The following TMEM178B variants were observed in gnomAD, a reference collection of about 807,000 sequenced individuals.
TMEM178B encodes transmembrane protein 178B.
A neutral mutation model predicts 31.0 loss-of-function variants in TMEM178B; 5 were observed. The observed-to-expected ratio is 0.16, with a 90% confidence interval of 0.08 to 0.34. The LOEUF is 0.34. TMEM178B is among the 10% of genes least tolerant of loss of function. The pLI is 1.00. For synonymous variants in TMEM178B, 164 were observed against 164.0 expected (o/e 1.00, Z 0.00); for missense variants, 275 against 400.3 (o/e 0.69, Z 2.67).
intron 2 of TMEM178B, among the ~76,000 whole-genome samples, chr7:141,340,833 G>T (rs1563156377): frequency 6.6e-6 from 1 of 152,066 alleles, no homozygotes; most frequent in Non-Finnish European, 1.5e-5. Context: ...TCTCCCTCTC[G>T]GGTGTATACA....
At chr7:141,392,782 AC>A (rs995961842) in intron 2 of TMEM178B, among the ~76,000 whole-genome samples, 9 of 151,832 alleles carry the variant, frequency 5.9e-5, no homozygotes, top group African/African-American at 2.2e-4. Flanking sequence ...GGCTCAGTGG[AC>A]AGCAGCATCT....
chr7:141,174,697 T>G (rs1259582992), intron 1 of TMEM178B, among the ~76,000 whole-genome samples: 3 of 152,244 alleles, frequency 2.0e-5, no homozygotes, highest in Non-Finnish European at 4.4e-5. Context: ...TTGATTTGCA[T>G]TTCTCTGATG....
chr7:141,211,365 G>A (rs1797050367), intron 1 of TMEM178B, among the ~76,000 whole-genome samples: 1 of 152,178 alleles, frequency 6.6e-6, no homozygotes, highest in Non-Finnish European at 1.5e-5. Context: ...TTACAATAAG[G>A]CATCAGTTTC....
intron 1 of TMEM178B, among the ~76,000 whole-genome samples, chr7:141,128,732 C>A (rs545722990): frequency 6.6e-6 from 1 of 152,084 alleles, no homozygotes; most frequent in Non-Finnish European, 1.5e-5. Context: ...CTGATTCCCA[C>A]ATCACTTCTC....
At chr7:141,410,492 C>T (rs1297239062) in intron 2 of TMEM178B, among the ~76,000 whole-genome samples, 1 of 138,852 alleles carries the variant, frequency 7.2e-6, no homozygotes, top group Admixed American at 7.7e-5. Flanking sequence ...TCTTTCTCTC[C>T]TTCCTTCCTT....
intron 2 of TMEM178B, among the ~76,000 whole-genome samples, chr7:141,324,416 GTTTTTTTTTTTTTTTTTTTTTTTTTT>G (rs56316531): frequency 1.5e-4 from 13 of 85,778 alleles, no homozygotes; most frequent in Middle Eastern, 6.6e-3. Flanking sequence ...GGAGACCAGG[GTTTTTTTTTTTTTTTTTTTTTTTTTT>G]TTTTTTTTTT....
chr7:141,241,003 T>G (rs1471362276), intron 2 of TMEM178B, among the ~76,000 whole-genome samples: 1 of 152,144 alleles, frequency 6.6e-6, no homozygotes, highest in Admixed American at 6.5e-5. Flanking sequence ...TCCCTTTTTT[T>G]TTTTTTTTAA....
intron 2 of TMEM178B, among the ~76,000 whole-genome samples, chr7:141,368,978 C>T (rs1431620330): frequency 2.0e-5 from 3 of 152,066 alleles, no homozygotes; most frequent in Non-Finnish European, 4.4e-5. Flanking sequence ...ACATGTGGGC[C>T]GTGGGCCCCT....
At chr7:141,322,763 G>A (rs1283038538) in intron 2 of TMEM178B, among the ~76,000 whole-genome samples, 2 of 152,162 alleles carry the variant, frequency 1.3e-5, no homozygotes, top group Non-Finnish European at 2.9e-5. Context: ...GAGTGTCCAG[G>A]AAAGGAGAGG....
At chr7:141,276,411 CAT>C (rs1286044915) in intron 2 of TMEM178B, among the ~76,000 whole-genome samples, 2 of 152,124 alleles carry the variant, frequency 1.3e-5, no homozygotes, top group African/African-American at 2.4e-5. Flanking sequence ...TTAATTGACT[CAT>C]AGTTCTGCAT....
chr7:141,197,870 T>G (rs1051467104), intron 1 of TMEM178B, among the ~76,000 whole-genome samples: 6 of 152,174 alleles, frequency 3.9e-5, no homozygotes, highest in African/African-American at 1.4e-4. Context: ...TGACCTCAGG[T>G]GATCCACCAA....
intron 1 of TMEM178B, among the ~76,000 whole-genome samples, chr7:141,125,897 T>C (rs573781174): frequency 6.6e-6 from 1 of 152,180 alleles, no homozygotes; most frequent in African/African-American, 2.4e-5. Context: ...ATTTAACCTG[T>C]TAAAGCCCAG....
intron 1 of TMEM178B, among the ~76,000 whole-genome samples, chr7:141,132,453 T>G (rs1795609497): frequency 6.6e-6 from 1 of 152,212 alleles, no homozygotes; most frequent in Non-Finnish European, 1.5e-5. Flanking sequence ...ATGTACTTAT[T>G]AGGAGTTTCT....
At chr7:141,154,037 G>A (rs922283794) in intron 1 of TMEM178B, among the ~76,000 whole-genome samples, 1 of 152,142 alleles carries the variant, frequency 6.6e-6, no homozygotes, top group Non-Finnish European at 1.5e-5. Context: ...TTCTGTACCT[G>A]ACACTTTCTA....
intron 2 of TMEM178B, among the ~76,000 whole-genome samples, chr7:141,278,132 G>T (rs926684734): frequency 3.3e-5 from 5 of 152,218 alleles, no homozygotes; most frequent in Non-Finnish European, 5.9e-5. Context: ...CAGTCTCATA[G>T]ATGTCGGCAG....
the TMEM178B span, among the ~76,000 whole-genome samples, chr7:141,507,654 C>T: frequency 4.6e-5 from 7 of 152,184 alleles, no homozygotes; most frequent in East Asian, 3.9e-4. Context: ...TACAGGCATG[C>T]GCCACCGCGC....
chr7:141,297,424 G>A (rs1482586871), intron 2 of TMEM178B, among the ~76,000 whole-genome samples: 2 of 152,122 alleles, frequency 1.3e-5, no homozygotes, highest in East Asian at 3.9e-4. Flanking sequence ...TGTTACATAT[G>A]TATACATGTG....
At chr7:141,185,256 C>T (rs532416748) in intron 1 of TMEM178B, among the ~76,000 whole-genome samples, 28 of 152,314 alleles carry the variant, frequency 1.8e-4, no homozygotes, top group Middle Eastern at 6.8e-3. Context: ...GCCTTATCTC[C>T]AGGACAGAGG....
chr7:141,166,030 G>A (rs1164981645), intron 1 of TMEM178B, among the ~76,000 whole-genome samples: 1 of 152,172 alleles, frequency 6.6e-6, no homozygotes, highest in East Asian at 1.9e-4. Context: ...TCCAGGAAGC[G>A]ACAAGCCTAG....
Sources: gnomAD v4.1 joint callset for allele counts (sites outside exome capture counted in the v4.1 genomes callset) on GRCh38, gnomAD v4.1.1 for gene constraint, MANE v1.5 for transcripts, NCBI Gene and HGNC (gene_info 2026-07-23, HGNC 2026-07-21) for gene names.